PPP1R12B: variants seen among roughly 807,000 people sequenced by gnomAD.
PPP1R12B encodes the protein myosin phosphatase target subunit 2.
Under a neutral mutation model 126.1 loss-of-function variants are expected in PPP1R12B, and 76 were observed. The ratio of observed to expected loss-of-function variants is 0.60; its 90% CI spans 0.50 to 0.73. The LOEUF (loss-of-function observed/expected upper bound fraction) is 0.73. PPP1R12B is among the 30% of genes least tolerant of loss of function. PPP1R12B has a pLI of 0.00. For synonymous variants in PPP1R12B, 356 were observed against 434.7 expected, an observed-to-expected ratio of 0.82 and a Z score of 2.25; for missense variants, 1,052 against 1,205.1, an observed-to-expected ratio of 0.87 and a Z score of 1.88.
chr1:202,575,960 G>C (rs141476975), intron 23 of PPP1R12B: 1 of 152,356 alleles, frequency 6.6e-6, no homozygotes, highest in Non-Finnish European at 1.5e-5. Flanking sequence ...AGCATAATTG[G>C]ATAAGCATTC....
In PPP1R12B at chr1:202,565,355, T is replaced by G. The variant is rs1387996394; in HGVS notation, c.2757+808T>G. ...TTCGAAAGCTGAACTGAAGTAAAAA[T>G]GATTCTTTAGCAGGAAGGCTTGAAA... On this transcript the variant is annotated intron_variant, in intron 21 of 23. Coordinates refer to ENST00000608999, the MANE Select transcript of PPP1R12B (RefSeq NM_002481.4). The surrounding 1 kb of genome is among the most constrained non-coding windows in gnomAD (Gnocchi z 4.3). Among the ~76,000 whole-genome samples, 1 of 152,188 alleles carries G rather than the reference T, an allele frequency of 6.6e-6. No individual in the cohort carries two copies. The highest frequency in any genetic ancestry group is 2.4e-5 in the African/African-American group (1 of 41,452).
intron 1 of PPP1R12B, among the ~76,000 whole-genome samples, chr1:202,368,457 C>CT (rs902280972): frequency 1.3e-5 from 2 of 152,086 alleles, no homozygotes; most frequent in South Asian, 2.1e-4. Flanking sequence ...AATTAAATCT[C>CT]TTTTTTTAAT....
chr1:202,387,423 G>A (rs1215315206), intron 1 of PPP1R12B, among the ~76,000 whole-genome samples: 3 of 152,180 alleles, frequency 2.0e-5, no homozygotes, highest in African/African-American at 7.2e-5. Context: ...CACCCTGAAA[G>A]CCTAAGGAGT....
At position 202,495,695 on chromosome 1, in the gene PPP1R12B, G is replaced by T; in HGVS notation, c.2448+13G>T. 1 of 1,609,188 alleles carries T rather than the reference G, an allele frequency of 6.2e-7. No individual in the cohort carries two copies. Among genetic ancestry groups the T allele is most frequent in the Non-Finnish European group, 8.5e-7 (1 of 1,175,582 alleles). ...CTGGACAAAGGATGTAAGTGGATTG[G>T]TCTGTGCTGAGGCATATCATATTAC... On this transcript the variant is annotated intron_variant, in intron 17 of 23. Coordinates refer to ENST00000608999, the MANE Select transcript of PPP1R12B (RefSeq NM_002481.4).
At chr1:202,534,191 G>T (rs1352763550) in intron 18 of PPP1R12B, among the ~76,000 whole-genome samples, 1 of 151,920 alleles carries the variant, frequency 6.6e-6, no homozygotes. Context: ...CCCAGGTTTG[G>T]CTTTTTAAGC....
intron 13 of PPP1R12B, among the ~76,000 whole-genome samples, chr1:202,473,135 C>T (rs1204564527): frequency 6.6e-6 from 1 of 152,142 alleles, no homozygotes; most frequent in Non-Finnish European, 1.5e-5. Flanking sequence ...AGCTTTGATT[C>T]GTTGCTTAAA....
At chr1:202,557,486 C>T (rs1467226183) in intron 18 of PPP1R12B, among the ~76,000 whole-genome samples, 2 of 152,122 alleles carry the variant, frequency 1.3e-5, no homozygotes, top group Non-Finnish European at 2.9e-5. Flanking sequence ...AGATTTCCAA[C>T]TTTCAGGATT....
rs545269188 is a variant in PPP1R12B, at chr1:202,390,428, G to A, written c.292-26359G>A. ...TCCATGACCTCGGATTTAGCAAAAGGTTCTTAGATATGTCACCATAGCATG... is the reference window on the plus strand; with the variant it reads ...TCCATGACCTCGGATTTAGCAAAAGATTCTTAGATATGTCACCATAGCATG... On this transcript the variant is annotated intron_variant, in intron 1 of 23. Coordinates refer to ENST00000608999, the MANE Select transcript of PPP1R12B (RefSeq NM_002481.4). 2.6e-5 allele frequency among the ~76,000 whole-genome samples: 4 copies of A among 152,160 alleles called. No individual in the cohort carries two copies. The South Asian group carries it at 6.2e-4, about 24-fold the overall frequency.
intron 1 of PPP1R12B, among the ~76,000 whole-genome samples, chr1:202,369,256 A>G (rs537151394): frequency 1.3e-5 from 2 of 152,368 alleles, no homozygotes; most frequent in African/African-American, 4.8e-5. Context: ...AGGTTTTAAG[A>G]TGGCATTCAC....
chr1:202,510,992 T>C (rs1681417811), intron 18 of PPP1R12B, among the ~76,000 whole-genome samples: 1 of 146,488 alleles, frequency 6.8e-6, no homozygotes, highest in Non-Finnish European at 1.5e-5. Context: ...TATATCCAAA[T>C]TTATACAATA....
intron 10 of PPP1R12B, chr1:202,438,750 A>G (rs1671188337): frequency 1.4e-6 from 1 of 708,792 alleles, no homozygotes; most frequent in Non-Finnish European, 2.6e-6. Flanking sequence ...AGAGAACAGC[A>G]TGTGGGAGCT....
chr1:202,479,785 A>C (rs2148816100), intron 13 of PPP1R12B, among the ~76,000 whole-genome samples: 1 of 152,144 alleles, frequency 6.6e-6, no homozygotes, highest in Middle Eastern at 3.4e-3. Context: ...AGATTATCAA[A>C]CCCCTACACC....
chr1:202,540,703 A>T (rs1222283841), intron 18 of PPP1R12B, among the ~76,000 whole-genome samples: 1 of 152,162 alleles, frequency 6.6e-6, no homozygotes, highest in Non-Finnish European at 1.5e-5. Context: ...GTGTGTATTC[A>T]TGTATGTATG....
intron 18 of PPP1R12B, among the ~76,000 whole-genome samples, chr1:202,536,849 A>C (rs1372367033): frequency 6.6e-6 from 1 of 152,156 alleles, no homozygotes; most frequent in Non-Finnish European, 1.5e-5. Context: ...ACAGGGTCAG[A>C]ATCATCAGTA....
At chr1:202,541,782 G>A (rs561707382) in intron 18 of PPP1R12B, among the ~76,000 whole-genome samples, 43 of 152,028 alleles carry the variant, frequency 2.8e-4, no homozygotes, top group African/African-American at 7.2e-4. Flanking sequence ...TACTGCTTTC[G>A]TCTTGTCTCA....
In PPP1R12B at chr1:202,455,236, A is replaced by G. The variant is rs184421831; in HGVS notation, c.1850+6065A>G. Among the ~76,000 whole-genome samples the G allele has an allele frequency of 1.9e-3, 282 of 152,230 alleles. 2 individuals are homozygous for G. The highest frequency in any genetic ancestry group is 6.6e-3 in the African/African-American group (274 of 41,532). ...GAGAGAGAGAGAATTCACATACCAT[A>G]CAATTCACTCATTTAAGGTGTACAA... On this transcript the variant is annotated intron_variant, in intron 13 of 23. Coordinates refer to ENST00000608999, the MANE Select transcript of PPP1R12B (RefSeq NM_002481.4).
chr1:202,366,179 G>T (rs1380669901), intron 1 of PPP1R12B, among the ~76,000 whole-genome samples: 1 of 152,120 alleles, frequency 6.6e-6, no homozygotes, highest in Non-Finnish European at 1.5e-5. Flanking sequence ...GACGACATTT[G>T]TGTAAGACCC....
At chr1:202,352,764 G>A (rs1310637991) in intron 1 of PPP1R12B, among the ~76,000 whole-genome samples, 4 of 152,042 alleles carry the variant, frequency 2.6e-5, no homozygotes, top group African/African-American at 9.7e-5. Context: ...GTGCACACCT[G>A]TAGTCCCAGT....
At chr1:202,388,476 G>C (rs534352102) in intron 1 of PPP1R12B, among the ~76,000 whole-genome samples, 33 of 152,178 alleles carry the variant, frequency 2.2e-4, no homozygotes, top group Non-Finnish European at 4.1e-4. Flanking sequence ...AAAGTGCTGG[G>C]ATTACAGGTG....
Sources: allele counts gnomAD v4.1 joint callset (sites outside exome capture counted in the v4.1 genomes callset), GRCh38; gene constraint gnomAD v4.1.1; non-coding constraint Gnocchi (gnomAD v3.1); transcripts MANE v1.5; gene names NCBI Gene and HGNC (gene_info 2026-07-23, HGNC 2026-07-21).